EVI5: variants seen among roughly 807,000 people sequenced by gnomAD.
The protein encoded by EVI5 is ecotropic viral integration site 5 protein homolog.
EVI5 carries 73 observed loss-of-function variants against 112.0 expected under a neutral mutation model. The ratio of observed to expected loss-of-function variants is 0.65; its 90% confidence interval spans 0.54 to 0.79. The LOEUF (loss-of-function observed/expected upper bound fraction) is 0.79, where lower values mean the gene tolerates loss of function less well. Ranked by LOEUF, EVI5 falls within the 30% of genes least tolerant of loss-of-function variation. EVI5 has a pLI of 0.00. For synonymous variants in EVI5, 305 were observed against 319.9 expected, an observed-to-expected ratio of 0.95 and a Z score of 0.50; for missense variants, 900 against 968.8, an observed-to-expected ratio of 0.93 and a Z score of 0.94.
intron 1 of EVI5, among the ~76,000 whole-genome samples, chr1:92,770,591 C>A (rs566229299): frequency 2.0e-4 from 31 of 151,996 alleles, no homozygotes; most frequent in Non-Finnish European, 3.5e-4. Context: ...GAGATCAAGA[C>A]CATCCTGGCT....
At chr1:92,627,828 C>T (rs1656012414) in intron 14 of EVI5, among the ~76,000 whole-genome samples, 1 of 151,346 alleles carries the variant, frequency 6.6e-6, no homozygotes, top group Admixed American at 6.6e-5. Flanking sequence ...CTTGCTCTGT[C>T]GCCCAGGCTG....
chr1:92,752,105 C>T (rs1231750474), intron 1 of EVI5, among the ~76,000 whole-genome samples: 3 of 152,182 alleles, frequency 2.0e-5, no homozygotes, highest in African/African-American at 7.2e-5. Context: ...TGTAACTACT[C>T]TAATTTTATT....
At chr1:92,599,470 A>C (rs986811397) in intron 18 of EVI5, among the ~76,000 whole-genome samples, 2 of 152,046 alleles carry the variant, frequency 1.3e-5, no homozygotes, top group Admixed American at 1.3e-4. Context: ...AAAAAGTTTC[A>C]GGTTTTAATG....
chr1:92,523,643 AAG>A (rs1661336493), intron 19 of EVI5, among the ~76,000 whole-genome samples: 1 of 152,186 alleles, frequency 6.6e-6, no homozygotes, highest in Non-Finnish European at 1.5e-5. Context: ...AACATCAGCA[AAG>A]AGTCACAACT....
At chr1:92,608,129 C>T (rs922978044) in intron 16 of EVI5, among the ~76,000 whole-genome samples, 4 of 148,344 alleles carry the variant, frequency 2.7e-5, no homozygotes, top group African/African-American at 7.5e-5. Flanking sequence ...CCAGCCTGGG[C>T]GACAGAGCGA....
chr1:92,633,568 T>C (rs869292327), intron 14 of EVI5, among the ~76,000 whole-genome samples: 3 of 152,276 alleles, frequency 2.0e-5, no homozygotes, highest in South Asian at 4.1e-4. Context: ...GTGTGTGTCT[T>C]TGCATGTGAG....
At chr1:92,741,502 G>C (rs553422689) in intron 1 of EVI5, among the ~76,000 whole-genome samples, 2 of 152,098 alleles carry the variant, frequency 1.3e-5, no homozygotes, top group East Asian at 3.9e-4. Flanking sequence ...GGATAGTCAG[G>C]ATATTATTAC....
At chr1:92,641,185 A>C (rs1450372312) in intron 13 of EVI5, among the ~76,000 whole-genome samples, 1 of 150,922 alleles carries the variant, frequency 6.6e-6, no homozygotes, top group Non-Finnish European at 1.5e-5. Context: ...CCCAGAACTT[A>C]AAAGTAAAAT....
intron 19 of EVI5, among the ~76,000 whole-genome samples, chr1:92,538,984 G>A (rs1392262358): frequency 6.6e-6 from 1 of 152,174 alleles, no homozygotes; most frequent in African/African-American, 2.4e-5. Flanking sequence ...TTATCACGAA[G>A]GTTATGGGTG....
rs114944631 is a variant in EVI5, at chr1:92,734,750, T to C, written c.149+1648A>G. Among the ~76,000 whole-genome samples, 315 of 152,308 alleles carry C rather than the reference T, an allele frequency of 2.1e-3. 5 individuals carry two copies. Among genetic ancestry groups the C allele is most frequent in the African/African-American group, 7.3e-3 (303 of 41,576 alleles). On this transcript the variant is annotated intron_variant, in intron 2 of 19. Coordinates refer to ENST00000684568, the MANE Select transcript of EVI5 (RefSeq NM_001350197.2). ...GTAAGCTGCCAGCTGGGGGAAGAAT[T>C]TGAAAGTCATGTGCTTGATACAAGA... is the stretch of plus-strand genomic sequence containing the variant.
At chr1:92,546,019 T>C (rs1029009650) in intron 19 of EVI5, among the ~76,000 whole-genome samples, 2 of 152,140 alleles carry the variant, frequency 1.3e-5, no homozygotes, top group African/African-American at 2.4e-5. Context: ...CGTGTGATTC[T>C]ACTACAGTAC....
In EVI5 at chr1:92,616,500, T is replaced by G. The variant is rs375744640; in HGVS notation, c.1827+7676A>C. ...TCTGACTTGTGTAGAGCTCTGGCATTGGCTAATTAATCACGGTGTTCCTAG... is the reference window on the plus strand; with the variant it reads ...TCTGACTTGTGTAGAGCTCTGGCATGGGCTAATTAATCACGGTGTTCCTAG... On this transcript the variant is annotated intron_variant, in intron 16 of 19. Transcript: ENST00000684568. Among the ~76,000 whole-genome samples the G allele has an allele frequency of 7.5e-4, 104 of 138,950 alleles. 1 individual carries two copies. The highest frequency in any genetic ancestry group is 2.7e-3 in the African/African-American group (102 of 37,272). The allele number at this position is 138,950 out of a possible 152,430, so 91.2% of individuals were successfully genotyped here.
intron 9 of EVI5, among the ~76,000 whole-genome samples, chr1:92,683,257 A>G (rs1190892689): frequency 6.6e-6 from 1 of 152,226 alleles, no homozygotes; most frequent in Non-Finnish European, 1.5e-5. Flanking sequence ...TCCGCTGATG[A>G]TACCCATGCA....
chr1:92,604,338 G>A (rs72964795), intron 18 of EVI5, among the ~76,000 whole-genome samples: 1,637 of 150,112 alleles, frequency 0.011, 38 homozygotes, highest in African/African-American at 0.039. Context: ...CTGGGCAACA[G>A]AGTGAGATCC....
chr1:92,655,283 G>C (rs1375525630), intron 13 of EVI5, among the ~76,000 whole-genome samples: 1 of 151,666 alleles, frequency 6.6e-6, no homozygotes, highest in East Asian at 1.9e-4. Context: ...TGGACATACT[G>C]GCAGAAACTT....
intron 1 of EVI5, among the ~76,000 whole-genome samples, chr1:92,792,086 C>T (rs1176754898): frequency 6.6e-6 from 1 of 152,162 alleles, no homozygotes; most frequent in East Asian, 1.9e-4. Context: ...TTACAAAAAG[C>T]CAATTACTAA....
chr1:92,784,993 C>T lies in EVI5; in HGVS notation c.-239G>A. On this transcript the variant is annotated 5_prime_UTR_variant, in exon 1 of 20. Transcript: ENST00000684568. The stretch of plus-strand genomic sequence containing the variant: ...ACGCTCACTCAGAAGCTCAGGGCCG[C>T]CTCGCGACCCTCACCTACCCCTCCC... 1.0e-6 allele frequency: 1 copy of T among 985,560 alleles called. No homozygotes were observed. The highest frequency in any genetic ancestry group is 1.2e-6 in the Non-Finnish European group (1 of 830,050). 61.1% of individuals were successfully genotyped at this position (985,560 alleles called of 1,614,324 possible). A position where few individuals can be genotyped will look rare whatever the true frequency, so the allele number is the denominator to read the frequency against.
At chr1:92,525,138 A>AT (rs1415561809) in intron 19 of EVI5, among the ~76,000 whole-genome samples, 4 of 151,816 alleles carry the variant, frequency 2.6e-5, no homozygotes, top group East Asian at 1.9e-4. Context: ...CAGATTAAGT[A>AT]TTTTTTAATA....
chr1:92,693,644 C>T lies in EVI5; in HGVS notation c.1097+158G>A, dbSNP rs371292455. Among the ~76,000 whole-genome samples the T allele has an allele frequency of 3.9e-5, 6 of 152,264 alleles. No homozygotes were observed. In the East Asian group the frequency reaches 9.7e-4, roughly 24 times the overall value. The stretch of plus-strand genomic sequence containing the variant: ...TAGTACATGCTAGTCCCATGCACCA[C>T]TGTTAAAAGCAGTATATTCCAACAT... On this transcript the variant is annotated intron_variant, in intron 9 of 19. Coordinates refer to ENST00000684568, the MANE Select transcript of EVI5 (RefSeq NM_001350197.2).
Sources: gnomAD v4.1 joint callset for allele counts (sites outside exome capture counted in the v4.1 genomes callset) on GRCh38, gnomAD v4.1.1 for gene constraint, MANE v1.5 for transcripts, NCBI Gene and HGNC (gene_info 2026-07-23, HGNC 2026-07-21) for gene names.